SLC9B1: variants seen among roughly 807,000 people sequenced by gnomAD.
The protein encoded by SLC9B1 is sodium/hydrogen exchanger 9B1.
SLC9B1 carries 32 observed loss-of-function variants against 51.7 expected under a neutral mutation model. The ratio of observed to expected loss-of-function variants is 0.62; its 90% CI spans 0.47 to 0.83. The LOEUF (loss-of-function observed/expected upper bound fraction) is 0.83. SLC9B1 is among the 40% of genes least tolerant of loss of function. The pLI, the probability that SLC9B1 is intolerant of heterozygous loss-of-function variation, is 0.00. For missense variants in SLC9B1, 406 were observed against 613.2 expected (o/e 0.66, Z 3.57); for synonymous variants, 145 against 212.7 (o/e 0.68, Z 2.77).
chr4:102,991,686 T>C lies in SLC9B1; in HGVS notation c.26A>G (p.Glu9Gly). MHTTESKNEHLEDENFQTS... is the reference protein window; with the variant it reads MHTTESKNGHLEDENFQTS... The stretch of plus-strand genomic sequence containing the variant: ...TTGGAAGTTTTCATCCTCCAAATGT[T>C]CATTTTTTGATTCTGTGGTATGCAT... Residue 9 changes from glutamate to glycine, a missense_variant, in exon 2 of 12, where the codon GAA (glutamate) becomes GGA (glycine). Glu to Gly is a moderately conservative substitution (Grantham distance 98, BLOSUM62 -2). Around this residue, in one of 6 missense-constraint regions of SLC9B1, gnomAD observed 108 missense variants for 94.5 expected, o/e 1.14. Transcript: ENST00000296422. 6.3e-7 allele frequency: 1 copy of C among 1,589,016 alleles called. No homozygotes were observed. The highest frequency in any genetic ancestry group is 8.6e-7 in the Non-Finnish European group (1 of 1,165,856).
intron 3 of SLC9B1, among the ~76,000 whole-genome samples, chr4:102,968,730 G>A (rs772048708): frequency 1.3e-5 from 2 of 152,206 alleles, no homozygotes; most frequent in Non-Finnish European, 1.5e-5. Context: ...GCAGGGCATC[G>A]CCTCATCCGG....
At chr4:103,004,913 C>G (rs1740701430) in intron 1 of SLC9B1, among the ~76,000 whole-genome samples, 1 of 152,094 alleles carries the variant, frequency 6.6e-6, no homozygotes, top group Non-Finnish European at 1.5e-5. Context: ...CCAGATGTGC[C>G]TTACAAGAGG....
intron 7 of SLC9B1, among the ~76,000 whole-genome samples, chr4:102,922,923 C>T (rs1010780956): frequency 6.6e-6 from 1 of 151,756 alleles, no homozygotes; most frequent in Non-Finnish European, 1.5e-5. Flanking sequence ...AATAGCCTAC[C>T]AACCAAAAAA....
At chr4:103,018,952 A>G (rs1390719422) in intron 1 of SLC9B1, among the ~76,000 whole-genome samples, 3 of 152,180 alleles carry the variant, frequency 2.0e-5, no homozygotes, top group African/African-American at 4.8e-5. Context: ...TGAACTGCGC[A>G]TGTGAGGGAT....
At position 102,911,501 on chromosome 4, in the gene SLC9B1, T is replaced by C; in HGVS notation, c.866A>G (p.Asn289Ser). The change falls in exon 8 of 12, where the codon AAC becomes AGC. Residue 289 changes from asparagine (N) to serine (S), a missense_variant. Transcript: ENST00000296422. The part of the protein sequence containing the change: ...ILNNAIASIR[N>S]VCISLLAGIV... ...TCCTGCCAGCAGACTAATACATACGTTCCTTATAGAGGCTATGGCGTTATT... is the reference window on the plus strand; with the variant it reads ...TCCTGCCAGCAGACTAATACATACGCTCCTTATAGAGGCTATGGCGTTATT... 1 of 1,596,882 alleles carries C rather than the reference T, an allele frequency of 6.3e-7. No homozygotes were observed. Among genetic ancestry groups the C allele is most frequent in the Non-Finnish European group, 8.5e-7 (1 of 1,179,472 alleles).
chr4:102,920,668 G>T (rs1189407262), intron 7 of SLC9B1, among the ~76,000 whole-genome samples: 2 of 152,144 alleles, frequency 1.3e-5, no homozygotes, highest in African/African-American at 4.8e-5. Flanking sequence ...CTTGAAAAAA[G>T]ATTAGATGAA....
intron 3 of SLC9B1, among the ~76,000 whole-genome samples, chr4:102,951,162 A>G (rs1303015963): frequency 6.6e-6 from 1 of 152,182 alleles, no homozygotes; most frequent in Admixed American, 6.6e-5. Context: ...CATCCAACTT[A>G]TGTGTAGGGC....
intron 7 of SLC9B1, among the ~76,000 whole-genome samples, chr4:102,916,957 G>A (rs1009971585): frequency 6.6e-6 from 1 of 152,186 alleles, no homozygotes; most frequent in Non-Finnish European, 1.5e-5. Context: ...TGAGTTAGTG[G>A]ACTGAGAGAG....
At chr4:102,966,444 T>C (rs1358729421) in intron 3 of SLC9B1, among the ~76,000 whole-genome samples, 1 of 152,228 alleles carries the variant, frequency 6.6e-6, no homozygotes, top group Non-Finnish European at 1.5e-5. Flanking sequence ...TCATGAGCTG[T>C]ACCTGAGGCT....
chr4:103,011,321 G>GC (rs1741074528), intron 1 of SLC9B1, among the ~76,000 whole-genome samples: 2 of 152,202 alleles, frequency 1.3e-5, no homozygotes, highest in Admixed American at 1.3e-4. Context: ...AAGGGGTTGA[G>GC]CCCCCATGTC....
At chr4:102,937,602 G>A (rs1374054349) in intron 6 of SLC9B1, among the ~76,000 whole-genome samples, 1 of 149,980 alleles carries the variant, frequency 6.7e-6, no homozygotes, top group Non-Finnish European at 1.5e-5. Context: ...ATGCGTGTCT[G>A]TAGTCCCAGC....
chr4:102,956,074 C>A lies in SLC9B1; in HGVS notation c.212-6647G>T, dbSNP rs181038805. On this transcript the variant is annotated intron_variant, in intron 3 of 11. Transcript: ENST00000296422. ...TTCTGGTACATGTGAAGGACAGTAA[C>A]CTCCGTAAAATCCTGAGTACTGAGT... 2.1e-4 allele frequency among the ~76,000 whole-genome samples: 32 copies of A among 152,166 alleles called. 1 individual carries two copies. In the East Asian group the frequency reaches 6.0e-3, roughly 29 times the overall value.
intron 1 of SLC9B1, among the ~76,000 whole-genome samples, chr4:103,002,505 TC>T (rs1740578520): frequency 2.0e-5 from 3 of 152,038 alleles, no homozygotes; most frequent in African/African-American, 4.8e-5. Flanking sequence ...GAGAAAAAAA[TC>T]CAACAACTAT....
chr4:102,999,662 A>G (rs1740415537), intron 1 of SLC9B1, among the ~76,000 whole-genome samples: 1 of 152,180 alleles, frequency 6.6e-6, no homozygotes, highest in South Asian at 2.1e-4. Context: ...AAATCACTTT[A>G]ACCAAATCAG....
intron 3 of SLC9B1, among the ~76,000 whole-genome samples, chr4:102,976,868 C>T (rs1739097723): frequency 6.6e-6 from 1 of 152,126 alleles, no homozygotes; most frequent in African/African-American, 2.4e-5. Context: ...ATGTTATGGG[C>T]TGGGTGCAAT....
chr4:102,922,887 C>G (rs1735953935), intron 7 of SLC9B1, among the ~76,000 whole-genome samples: 1 of 152,144 alleles, frequency 6.6e-6, no homozygotes, highest in East Asian at 1.9e-4. Flanking sequence ...AGACCAATAA[C>G]AGGCTCTGAA....
At position 102,990,956 on chromosome 4, in the gene SLC9B1, A is replaced by G. The variant is rs72663201; in HGVS notation, c.69+687T>C. ...CTTTTTCTGAAAATTCTGTTACTAT[A>G]TAAAAGGGATAAAGACACAATGGTG... is the stretch of plus-strand genomic sequence containing the variant. On this transcript the variant is annotated intron_variant, in intron 2 of 11. Transcript: ENST00000296422. 4.5e-3 allele frequency among the ~76,000 whole-genome samples: 678 copies of G among 152,196 alleles called. 1 individual carries two copies. The highest frequency in any genetic ancestry group is 7.7e-3 in the Admixed American group (118 of 15,280).
exon 12 of SLC9B1, chr4:102,885,059 C>A: frequency 1.5e-6 from 1 of 650,836 alleles, no homozygotes; most frequent in Non-Finnish European, 2.8e-6. Flanking sequence ...TTTGGTAGAG[C>A]TGGCTTTATT....
At chr4:102,930,355 T>C (rs563555909) in intron 7 of SLC9B1, among the ~76,000 whole-genome samples, 162 of 152,296 alleles carry the variant, frequency 1.1e-3, no homozygotes, top group African/African-American at 3.7e-3. Flanking sequence ...ACTTTTAAGC[T>C]TAAGAAAATA....
Sources: allele counts gnomAD v4.1 joint callset (sites outside exome capture counted in the v4.1 genomes callset), GRCh38; gene constraint gnomAD v4.1.1; regional missense constraint gnomAD v4.1.1; transcripts MANE v1.5; gene names NCBI Gene and HGNC (gene_info 2026-07-23, HGNC 2026-07-21).